The following RGS12 variants were observed in gnomAD, a reference collection of about 807,000 sequenced individuals.
The protein encoded by RGS12 is regulator of G-protein signaling 12.
Under a neutral mutation model 120.1 loss-of-function variants are expected in RGS12, and 66 were observed. The ratio of observed to expected loss-of-function variants is 0.55; its 90% CI spans 0.45 to 0.67. The LOEUF is 0.67. Among genes scored for constraint, RGS12 ranks in the 30% least tolerant of loss-of-function variants. The pLI, the probability that RGS12 is intolerant of heterozygous loss-of-function variation, is 0.00. For synonymous variants in RGS12, 827 were observed against 804.7 expected, an observed-to-expected ratio of 1.03 and a Z score of -0.47; for missense variants, 1,859 against 1,957.7, an observed-to-expected ratio of 0.95 and a Z score of 0.95.
At chr4:3,358,471 A>T (rs1453728578) in intron 3 of RGS12, among the ~76,000 whole-genome samples, 1 of 152,078 alleles carries the variant, frequency 6.6e-6, no homozygotes, top group Non-Finnish European at 1.5e-5. Flanking sequence ...TTAATTTTTC[A>T]CTAATGCCTT....
chr4:3,336,658 G>A (rs1394295794), intron 2 of RGS12, among the ~76,000 whole-genome samples: 1 of 152,172 alleles, frequency 6.6e-6, no homozygotes, highest in East Asian at 1.9e-4. Flanking sequence ...TATTTAGACC[G>A]AATTGGTTAG....
chr4:3,368,390 T>C (rs1377934006), intron 3 of RGS12, among the ~76,000 whole-genome samples: 5 of 137,790 alleles, frequency 3.6e-5, no homozygotes, highest in African/African-American at 1.4e-4. Flanking sequence ...TGGGTGCCTG[T>C]GTGTGTGGGG....
intron 3 of RGS12, among the ~76,000 whole-genome samples, chr4:3,347,729 T>G (rs1713954463): frequency 6.6e-6 from 1 of 152,188 alleles, no homozygotes. Context: ...TGCAAATGCT[T>G]TTAGAGAAAA....
At chr4:3,387,624 A>G (rs761252638) in intron 4 of RGS12, among the ~76,000 whole-genome samples, 15 of 152,236 alleles carry the variant, frequency 9.9e-5, no homozygotes, top group Non-Finnish European at 1.8e-4. Flanking sequence ...TACAATGAAA[A>G]TCATGTCATT....
intron 2 of RGS12, among the ~76,000 whole-genome samples, chr4:3,340,480 G>A (rs1403455260): frequency 6.6e-6 from 1 of 152,214 alleles, no homozygotes; most frequent in African/African-American, 2.4e-5. Context: ...ATGCACAAAG[G>A]CCATGAGGCG....
intron 2 of RGS12, among the ~76,000 whole-genome samples, chr4:3,327,269 T>C (rs1725609492): frequency 6.6e-6 from 1 of 152,170 alleles, no homozygotes; most frequent in African/African-American, 2.4e-5. Flanking sequence ...TGGACTGCTA[T>C]CTCTCACCAT....
chr4:3,299,613 T>C (rs1723566716), intron 1 of RGS12, among the ~76,000 whole-genome samples: 2 of 152,210 alleles, frequency 1.3e-5, no homozygotes, highest in African/African-American at 4.8e-5. Flanking sequence ...CATTGGTCTT[T>C]GGCAGTTTGC....
Position 3,365,314 on chromosome 4 carries a change from G to A in RGS12, c.1999-21102G>A, listed in dbSNP as rs1716191343. 6.6e-6 allele frequency among the ~76,000 whole-genome samples: 1 copy of A among 152,140 alleles called. No individual in the cohort carries two copies. Among genetic ancestry groups the A allele is most frequent in the African/African-American group, 2.4e-5 (1 of 41,440 alleles). Reference sequence around the variant, plus strand: ...TCGAGTGCGTGGTGTCGCCTGCACAGCGGGCAGTGCCTACTCTTGGCCCTT... The same window carrying A: ...TCGAGTGCGTGGTGTCGCCTGCACAACGGGCAGTGCCTACTCTTGGCCCTT... On this transcript the variant is annotated intron_variant, in intron 3 of 17. Transcript: ENST00000336727. The surrounding 1 kb of genome is among the most constrained non-coding windows in gnomAD (Gnocchi z 4.0).
In RGS12 at chr4:3,428,121, G is replaced by A. The variant is rs763472159; in HGVS notation, c.3363G>A (p.Val1121=). 6.2e-7 allele frequency: 1 copy of A among 1,613,728 alleles called. No individual in the cohort carries two copies. Among genetic ancestry groups the A allele is most frequent in the East Asian group, 2.2e-5 (1 of 44,892 alleles). The change falls in exon 15 of 18, where the codon GTG becomes GTA. Residue 1121 remains valine (V), a synonymous_variant. Coordinates refer to ENST00000336727, the MANE Select transcript of RGS12 (RefSeq NM_001394154.1). ...ASADKQKGVP[V]KQNTAVNSSS... is the part of the protein sequence containing the mutation. The stretch of plus-strand genomic sequence containing the variant: ...CAGATAAACAGAAAGGTGTGCCAGT[G>A]AAACAGAACACAGCTGTAAATTCCA...
intron 4 of RGS12, among the ~76,000 whole-genome samples, chr4:3,391,312 A>G (rs935782989): frequency 6.6e-6 from 1 of 152,220 alleles, no homozygotes; most frequent in Non-Finnish European, 1.5e-5. Flanking sequence ...ATGCCTTCCG[A>G]TGTACTTGTT....
intron 3 of RGS12, among the ~76,000 whole-genome samples, chr4:3,368,309 T>C (rs1342947354): frequency 6.6e-6 from 1 of 152,200 alleles, no homozygotes; most frequent in Non-Finnish European, 1.5e-5. Flanking sequence ...ACCTTCAGAT[T>C]GCTTTCTCTG....
At chr4:3,422,878 G>A (rs373213023) in intron 11 of RGS12, 27 bp from the exon 12 acceptor site, 79 of 1,606,610 alleles carry the variant, frequency 4.9e-5, no homozygotes, top group Non-Finnish European at 6.2e-5. Context: ...CTGTGCCCAC[G>A]TTGATTCTGG....
intron 3 of RGS12, among the ~76,000 whole-genome samples, chr4:3,361,850 C>T (rs16844191): frequency 0.026 from 3,887 of 152,198 alleles, 158 homozygotes; most frequent in African/African-American, 0.088. Context: ...GAAATGTCTT[C>T]GAGCTACACC....
At position 3,439,718 on chromosome 4, in the gene RGS12, TGTC is replaced by T. The variant is rs1382874424; in HGVS notation, c.*36_*38del. On this transcript the variant is annotated 3_prime_UTR_variant, in exon 18 of 18. Transcript: ENST00000336727. ...GGCCTGGCCAACTCTCCTGTGGACA[TGTC>T]GGGGTGGGGCAGCCCAGGTGGATTC... The T allele has an allele frequency of 6.9e-7, 1 of 1,456,026 alleles. No individual in the cohort carries two copies. Among genetic ancestry groups the T allele is most frequent in the Admixed American group, 2.7e-5 (1 of 37,256 alleles). 90.2% of individuals were successfully genotyped at this position (1,456,026 alleles called of 1,614,324 possible). A position where few individuals can be genotyped will look rare whatever the true frequency, so the allele number is the denominator to read the frequency against.
chr4:3,376,934 C>G (rs1389189111), intron 3 of RGS12, among the ~76,000 whole-genome samples: 1 of 152,022 alleles, frequency 6.6e-6, no homozygotes. Context: ...TTTAGTCCAG[C>G]AAGAGATTGC....
intron 13 of RGS12, 192 bp downstream of exon 13, chr4:3,423,833 G>C: frequency 1.5e-6 from 1 of 655,930 alleles, no homozygotes; most frequent in Non-Finnish European, 2.5e-6. Flanking sequence ...AGCCATCATG[G>C]TTTATTTGTA....
At chr4:3,410,621 A>G (rs535305871) in intron 4 of RGS12, among the ~76,000 whole-genome samples, 16 of 152,202 alleles carry the variant, frequency 1.1e-4, no homozygotes, top group Non-Finnish European at 2.2e-4. Context: ...TGTTTGATCA[A>G]TATAATCAGA....
At chr4:3,298,629 G>A (rs1723512322) in intron 1 of RGS12, among the ~76,000 whole-genome samples, 1 of 152,182 alleles carries the variant, frequency 6.6e-6, no homozygotes, top group African/African-American at 2.4e-5. Flanking sequence ...ATGATGAGGT[G>A]CTTTCAAGCT....
In RGS12 at chr4:3,389,621, A is replaced by G. The variant is rs1719253793; in HGVS notation, c.2020+3184A>G. Among the ~76,000 whole-genome samples, 1 of 151,960 alleles carries G rather than the reference A, an allele frequency of 6.6e-6. No homozygotes were observed. The highest frequency in any genetic ancestry group is 2.4e-5 in the African/African-American group (1 of 41,354). On this transcript the variant is annotated intron_variant, in intron 4 of 17. Transcript: ENST00000336727. The surrounding 1 kb of genome is among the most constrained non-coding windows in gnomAD (Gnocchi z 5.2). ...CCAAGAGGCCTGCCAGAATCCCCTC[A>G]CCCACTGCAGCCTCCACAGGTGGAT...
Sources: allele counts gnomAD v4.1 joint callset (sites outside exome capture counted in the v4.1 genomes callset), GRCh38; gene constraint gnomAD v4.1.1; non-coding constraint Gnocchi (gnomAD v3.1); transcripts MANE v1.5; gene names NCBI Gene and HGNC (gene_info 2026-07-23, HGNC 2026-07-21).